MYO5C: variants seen among roughly 807,000 people sequenced by gnomAD.
MYO5C encodes the protein unconventional myosin-Vc.
MYO5C carries 194 observed loss-of-function variants against 235.7 expected under a neutral mutation model. The ratio of observed to expected loss-of-function variants is 0.82; its 90% CI spans 0.73 to 0.93. MYO5C has a LOEUF of 0.93. MYO5C is among the 40% of genes least tolerant of loss of function. The probability of loss-of-function intolerance (pLI) is 0.00; values close to 1 mark genes in which losing one functional copy is unlikely to be tolerated. For missense variants in MYO5C, 2,038 were observed against 2,127.2 expected, an observed-to-expected ratio of 0.96 and a Z score of 0.82; for synonymous variants, 707 against 754.8, an observed-to-expected ratio of 0.94 and a Z score of 1.04.
intron 24 of MYO5C, among the ~76,000 whole-genome samples, chr15:52,232,022 G>C (rs2035961798): frequency 6.6e-6 from 1 of 151,848 alleles, no homozygotes; most frequent in Admixed American, 6.6e-5. Flanking sequence ...TCCTAGGCAA[G>C]AATCTTAATT....
chr15:52,203,491 A>G (rs367771390), intron 38 of MYO5C, among the ~76,000 whole-genome samples: 3 of 152,050 alleles, frequency 2.0e-5, no homozygotes, highest in East Asian at 3.9e-4. Flanking sequence ...GATTACAGGC[A>G]TGTGCCACAA....
chr15:52,281,191 G>A (rs2140859692), intron 2 of MYO5C, among the ~76,000 whole-genome samples: 1 of 152,312 alleles, frequency 6.6e-6, no homozygotes, highest in African/African-American at 2.4e-5. Context: ...GAGACAGAAA[G>A]GACAGACAGT....
chr15:52,294,046 TCA>T (rs1566999026), intron 1 of MYO5C, among the ~76,000 whole-genome samples: 1 of 152,252 alleles, frequency 6.6e-6, no homozygotes. Flanking sequence ...TCTGGGATTC[TCA>T]GATTCTCATT....
intron 8 of MYO5C, among the ~76,000 whole-genome samples, chr15:52,267,339 C>T (rs923629217): frequency 1.3e-5 from 2 of 152,222 alleles, no homozygotes; most frequent in Non-Finnish European, 2.9e-5. Context: ...TTTACATATG[C>T]TTCCTCACGA....
At chr15:52,249,650 T>C (rs2036430274) in intron 13 of MYO5C, among the ~76,000 whole-genome samples, 2 of 152,118 alleles carry the variant, frequency 1.3e-5, no homozygotes, top group African/African-American at 4.8e-5. Flanking sequence ...GTGAATGAAG[T>C]ACCTGGATTG....
chr15:52,294,640 G>A (rs1371744934), intron 1 of MYO5C, among the ~76,000 whole-genome samples: 1 of 152,154 alleles, frequency 6.6e-6, no homozygotes, highest in African/African-American at 2.4e-5. Context: ...GAGGTCTCTA[G>A]ATTTCCCCAA....
chr15:52,232,820 T>C, intron 23 of MYO5C, 135 bp from the exon 24 acceptor site: 1 of 700,310 alleles, frequency 1.4e-6, no homozygotes, highest in South Asian at 1.8e-5. Context: ...AATGAGAGTA[T>C]AGCTCATTTT....
At chr15:52,247,717 T>C (rs2036383033) in intron 14 of MYO5C, 125 bp from the exon 15 acceptor site, 1 of 981,156 alleles carries the variant, frequency 1.0e-6, no homozygotes. Flanking sequence ...CTCACCAACA[T>C]CTACAGCCAA....
Position 52,291,745 on chromosome 15 carries a change from T to G in MYO5C, c.27+3865A>C, listed in dbSNP as rs868366186. 2.4e-4 allele frequency among the ~76,000 whole-genome samples: 25 copies of G among 103,752 alleles called. 2 individuals are homozygous for G. The highest frequency in any genetic ancestry group is 8.9e-4 in the Admixed American group (9 of 10,100). The allele number at this position is 103,752 out of a possible 152,430, so 68.1% of individuals were successfully genotyped here. On this transcript the variant is annotated intron_variant, in intron 1 of 40. Coordinates refer to ENST00000261839, the MANE Select transcript of MYO5C (RefSeq NM_018728.4). ...GCATATTTTATGTTTTTTTTTTTTT[T>G]TTTTTTTTTTTGAGACAGGGTCTCG... is the stretch of plus-strand genomic sequence containing the variant.
At position 52,205,816 on chromosome 15, in the gene MYO5C, C is replaced by A; in HGVS notation, c.4537G>T (p.Val1513Phe). Residue 1513 changes from valine (V) to phenylalanine (F), a missense_variant and splice_region_variant, in exon 37 of 41, where the codon GTT (valine) becomes TTT (phenylalanine). Physicochemically the swap from Val to Phe is conservative, Grantham distance 50. Transcript: ENST00000261839. ...TTTTGGTCATCCATTCTCTTCTTAC[C>A]TATTATCGGTTGGATATTCTTTTCC... ...IMEKNIQPII[V>F]PGMLEYESLQ... 1.3e-6 allele frequency: 2 copies of A among 1,541,216 alleles called. No individual in the cohort carries two copies. The highest frequency in any genetic ancestry group is 1.8e-6 in the Non-Finnish European group (2 of 1,132,012).
At chr15:52,244,790 G>A (rs1376082741) in intron 18 of MYO5C, among the ~76,000 whole-genome samples, 1 of 152,156 alleles carries the variant, frequency 6.6e-6, no homozygotes, top group Admixed American at 6.5e-5. Context: ...TCCATTTGTG[G>A]GTGAGAAGGG....
At chr15:52,287,948 C>T (rs1430359793) in intron 1 of MYO5C, among the ~76,000 whole-genome samples, 1 of 151,772 alleles carries the variant, frequency 6.6e-6, no homozygotes, top group Non-Finnish European at 1.5e-5. Context: ...TGCACTGCAG[C>T]CTGGGTGACA....
intron 32 of MYO5C, among the ~76,000 whole-genome samples, chr15:52,217,400 T>A (rs2035580206): frequency 6.6e-6 from 1 of 151,934 alleles, no homozygotes; most frequent in Admixed American, 6.5e-5. Context: ...ACAGTCAGAG[T>A]AAAGGATCAC....
chr15:52,221,191 C>T lies in MYO5C; in HGVS notation c.3692G>A (p.Arg1231His), dbSNP rs147460631. The stretch of plus-strand genomic sequence containing the variant: ...CATTTTCTCAGCTTGTTCATTCAGG[C>T]GGATTTCAAGATCTTGCTTCTGTTT... ...LEKQKQDLEI[R>H]LNEQAEKMKG... The change falls in exon 30 of 41, where the codon CGC (arginine) becomes CAC (histidine). Residue 1231 changes from arginine to histidine, a missense_variant. By Grantham distance (29) the Arg-to-His change is conservative. Coordinates refer to ENST00000261839, the MANE Select transcript of MYO5C (RefSeq NM_018728.4). 21 of 1,612,934 alleles carry T rather than the reference C, an allele frequency of 1.3e-5. No homozygotes were observed. In the Admixed American group the frequency reaches 1.7e-4, roughly 13 times the overall value.
At chr15:52,251,314 T>G (rs570992705) in intron 13 of MYO5C, 76 bp downstream of exon 13, 123 of 1,400,790 alleles carry the variant, frequency 8.8e-5, no homozygotes, top group Non-Finnish European at 1.1e-4. Flanking sequence ...ATCAGAAACA[T>G]TCCTGGCCTG....
chr15:52,291,439 C>A (rs1454064079), intron 1 of MYO5C, among the ~76,000 whole-genome samples: 3 of 152,162 alleles, frequency 2.0e-5, no homozygotes, highest in African/African-American at 7.2e-5. Context: ...ACTGTGGCCT[C>A]AGGCCCTCAC....
chr15:52,295,397 G>C (rs1032110055), intron 1 of MYO5C, among the ~76,000 whole-genome samples: 5 of 152,136 alleles, frequency 3.3e-5, no homozygotes, highest in Non-Finnish European at 2.9e-5. Context: ...GGCAGGGACG[G>C]AGCACGCCGG....
chr15:52,205,451 A>C (rs1009873658), intron 37 of MYO5C: 12 of 375,008 alleles, frequency 3.2e-5, no homozygotes, highest in Admixed American at 4.2e-5. Context: ...TTAAAGCCTA[A>C]AGTATTTAAA....
At chr15:52,212,345 C>T (rs1385495013) in intron 34 of MYO5C, among the ~76,000 whole-genome samples, 3 of 152,068 alleles carry the variant, frequency 2.0e-5, no homozygotes, top group South Asian at 2.1e-4. Flanking sequence ...ATGGTGGAAA[C>T]GCTCAGTGGG....
Sources: gnomAD v4.1 joint callset for allele counts (sites outside exome capture counted in the v4.1 genomes callset) on GRCh38, gnomAD v4.1.1 for gene constraint, MANE v1.5 for transcripts, NCBI Gene and HGNC (gene_info 2026-07-23, HGNC 2026-07-21) for gene names.